The following ARHGAP10 variants were observed in gnomAD, a reference collection of about 807,000 sequenced individuals.
ARHGAP10 encodes the protein rho GTPase-activating protein 10.
In ARHGAP10, 87 loss-of-function variants were observed where a neutral mutation model predicts 108.6. The ratio of observed to expected loss-of-function variants is 0.80; its 90% CI spans 0.67 to 0.96. The LOEUF (loss-of-function observed/expected upper bound fraction) is 0.96, where lower values mean the gene tolerates loss of function less well. ARHGAP10 is among the 40% of genes least tolerant of loss of function. ARHGAP10 has a pLI of 0.00. For synonymous variants in ARHGAP10, 347 were observed against 341.1 expected (o/e 1.02, Z -0.19); for missense variants, 939 against 954.5 (o/e 0.98, Z 0.21).
intron 1 of ARHGAP10, among the ~76,000 whole-genome samples, chr4:147,746,734 G>T (rs946477659): frequency 2.6e-5 from 4 of 152,196 alleles, no homozygotes; most frequent in African/African-American, 9.7e-5. Context: ...TCTAGGTGAA[G>T]AAGTGGTGGG....
At chr4:147,985,970 T>C (rs1227384079) in intron 18 of ARHGAP10, among the ~76,000 whole-genome samples, 2 of 151,882 alleles carry the variant, frequency 1.3e-5, no homozygotes, top group African/African-American at 4.9e-5. Context: ...CCTTCTCCTC[T>C]CTGGAGTCTG....
chr4:147,919,363 A>G (rs1365641992), intron 13 of ARHGAP10, among the ~76,000 whole-genome samples: 1 of 152,212 alleles, frequency 6.6e-6, no homozygotes, highest in African/African-American at 2.4e-5. Context: ...ACTTTTCCAT[A>G]GAGTAGTTTG....
intron 3 of ARHGAP10, among the ~76,000 whole-genome samples, chr4:147,839,472 T>A (rs1244342789): frequency 1.3e-5 from 2 of 152,230 alleles, no homozygotes; most frequent in Admixed American, 6.5e-5. Flanking sequence ...TCCTTGTTAG[T>A]ACTGAGTGAT....
At chr4:147,868,527 T>C (rs529052304) in intron 7 of ARHGAP10, among the ~76,000 whole-genome samples, 1 of 152,340 alleles carries the variant, frequency 6.6e-6, no homozygotes, top group African/African-American at 2.4e-5. Flanking sequence ...TGAGCCACCA[T>C]GCCTGGCTGA....
At chr4:147,825,536 A>T (rs1355877553) in intron 3 of ARHGAP10, among the ~76,000 whole-genome samples, 1 of 152,110 alleles carries the variant, frequency 6.6e-6, no homozygotes, top group Admixed American at 6.5e-5. Flanking sequence ...TTGTGTGTAT[A>T]TATTGTAGAT....
intron 15 of ARHGAP10, among the ~76,000 whole-genome samples, chr4:147,951,806 T>C (rs977750979): frequency 5.9e-5 from 9 of 152,106 alleles, no homozygotes; most frequent in Admixed American, 3.9e-4. Flanking sequence ...TGACATACAA[T>C]AAGCTGCATA....
chr4:147,849,271 T>C (rs1051368314), intron 4 of ARHGAP10, among the ~76,000 whole-genome samples: 2 of 151,090 alleles, frequency 1.3e-5, no homozygotes, highest in African/African-American at 4.9e-5. Flanking sequence ...TACCAGCCCC[T>C]ACCCTGCCTT....
chr4:147,853,841 C>T (rs1273180915), intron 4 of ARHGAP10, among the ~76,000 whole-genome samples: 1 of 151,972 alleles, frequency 6.6e-6, no homozygotes, highest in Non-Finnish European at 1.5e-5. Flanking sequence ...CTCTCTATGG[C>T]TTCATTGTTT....
chr4:147,956,821 T>A (rs1051008092), intron 16 of ARHGAP10, among the ~76,000 whole-genome samples: 3 of 152,012 alleles, frequency 2.0e-5, no homozygotes, highest in African/African-American at 7.2e-5. Context: ...GTTAGTTACA[T>A]ATGTTTTAAA....
intron 3 of ARHGAP10, among the ~76,000 whole-genome samples, chr4:147,831,609 T>C (rs1732955509): frequency 6.6e-6 from 1 of 152,238 alleles, no homozygotes; most frequent in African/African-American, 2.4e-5. Context: ...AAGTTGTCAG[T>C]GACCTAATTT....
At chr4:147,881,161 C>G (rs1735312905) in intron 9 of ARHGAP10, among the ~76,000 whole-genome samples, 1 of 151,830 alleles carries the variant, frequency 6.6e-6, no homozygotes, top group Admixed American at 6.6e-5. Context: ...GTAATCCCAG[C>G]TATTTGGGTG....
At chr4:147,948,297 A>G (rs563318034) in intron 15 of ARHGAP10, among the ~76,000 whole-genome samples, 8 of 152,190 alleles carry the variant, frequency 5.3e-5, no homozygotes, top group Non-Finnish European at 1.0e-4. Context: ...TATTTATCTC[A>G]AAAAGTCATT....
chr4:147,887,119 C>T (rs942130890), intron 10 of ARHGAP10, among the ~76,000 whole-genome samples: 1 of 152,164 alleles, frequency 6.6e-6, no homozygotes, highest in African/African-American at 2.4e-5. Flanking sequence ...TCCTCTCTCT[C>T]TTAAGCTCTG....
intron 19 of ARHGAP10, among the ~76,000 whole-genome samples, chr4:148,037,144 T>C (rs1728413275): frequency 6.6e-6 from 1 of 152,198 alleles, no homozygotes; most frequent in Non-Finnish European, 1.5e-5. Context: ...AGTGACAAGA[T>C]GCAAAATCAA....
intron 1 of ARHGAP10, among the ~76,000 whole-genome samples, chr4:147,781,804 T>C (rs956346321): frequency 6.6e-6 from 1 of 152,114 alleles, no homozygotes; most frequent in Non-Finnish European, 1.5e-5. Context: ...TTTCCAGCTA[T>C]TTGTTATTAT....
chr4:148,023,312 C>T lies in ARHGAP10; in HGVS notation c.1766C>T (p.Ser589Leu). The T allele has an allele frequency of 6.2e-7, 1 of 1,614,186 alleles. No homozygotes were observed. Among genetic ancestry groups the T allele is most frequent in the East Asian group, 2.2e-5 (1 of 44,892 alleles). ...DTTFPEPTCL[S>L]ASPPNAPPRQ... ...ACATTCCCTGAGCCCACCTGCCTGT[C>T]AGCATCACCCCCAAATGCGCCACCA... The change falls in exon 19 of 23, where the codon TCA becomes TTA. Residue 589 changes from serine (S) to leucine (L), a missense_variant. Physicochemically the swap from Ser to Leu is moderately radical, Grantham distance 145. Coordinates refer to ENST00000336498, the MANE Select transcript of ARHGAP10 (RefSeq NM_024605.4).
At chr4:147,854,497 G>C (rs973584815) in intron 4 of ARHGAP10, among the ~76,000 whole-genome samples, 2 of 152,064 alleles carry the variant, frequency 1.3e-5, no homozygotes, top group Non-Finnish European at 2.9e-5. Flanking sequence ...TTTTTGTAAT[G>C]TCTGATTTAT....
intron 1 of ARHGAP10, among the ~76,000 whole-genome samples, chr4:147,737,447 G>A (rs937583492): frequency 6.6e-6 from 1 of 151,700 alleles, no homozygotes; most frequent in Non-Finnish European, 1.5e-5. Context: ...CAGCCACTGC[G>A]CCTGGCCTTA....
At chr4:147,842,971 A>G (rs1489149753) in intron 3 of ARHGAP10, among the ~76,000 whole-genome samples, 2 of 152,190 alleles carry the variant, frequency 1.3e-5, no homozygotes, top group African/African-American at 4.8e-5. Flanking sequence ...TCTTTCATTC[A>G]TTCTTCAGTT....
Sources: gnomAD v4.1 joint callset for allele counts (sites outside exome capture counted in the v4.1 genomes callset) on GRCh38, gnomAD v4.1.1 for gene constraint, MANE v1.5 for transcripts, NCBI Gene and HGNC (gene_info 2026-07-23, HGNC 2026-07-21) for gene names.